Variants in ZNF385D observed in about 807,000 individuals in gnomAD.
ZNF385D encodes zinc finger protein 659.
A neutral mutation model predicts 35.8 loss-of-function variants in ZNF385D; 15 were observed. That is an observed-to-expected ratio of 0.42 (90% CI 0.28 to 0.64). The LOEUF (loss-of-function observed/expected upper bound fraction) is 0.64, where lower values mean the gene tolerates loss of function less well. Among genes scored for constraint, ZNF385D ranks in the 30% least tolerant of loss-of-function variants. ZNF385D has a pLI of 0.23. For missense variants in ZNF385D, 474 were observed against 494.6 expected (o/e 0.96, Z 0.39); for synonymous variants, 212 against 186.8 (o/e 1.13, Z -1.10).
At chr3:22,189,462 T>A (rs1038339875) in intron 2 of ZNF385D, among the ~76,000 whole-genome samples, 1 of 152,138 alleles carries the variant, frequency 6.6e-6, no homozygotes, top group Non-Finnish European at 1.5e-5. Flanking sequence ...CACAGACTTA[T>A]GACAATTCAT....
At chr3:22,137,212 A>T (rs1441000008) in intron 3 of ZNF385D, among the ~76,000 whole-genome samples, 1 of 152,190 alleles carries the variant, frequency 6.6e-6, no homozygotes, top group East Asian at 1.9e-4. Flanking sequence ...CCAGGACCAG[A>T]CGGATTCACA....
At chr3:22,212,777 C>T (rs574598235) in intron 2 of ZNF385D, among the ~76,000 whole-genome samples, 5 of 151,872 alleles carry the variant, frequency 3.3e-5, no homozygotes, top group Admixed American at 6.6e-5. Context: ...AATAGTATAG[C>T]TATAGTTAGC....
chr3:21,531,450 C>T (rs1346405029), intron 3 of ZNF385D, among the ~76,000 whole-genome samples: 1 of 152,128 alleles, frequency 6.6e-6, no homozygotes, highest in Non-Finnish European at 1.5e-5. Context: ...AGTAAAAACC[C>T]TGCATATATA....
intron 2 of ZNF385D, among the ~76,000 whole-genome samples, chr3:22,329,072 G>A (rs965942156): frequency 2.4e-5 from 2 of 84,284 alleles, no homozygotes; most frequent in African/African-American, 4.5e-5. Flanking sequence ...GCGAGACTCC[G>A]TCTCAAAAAA....
At chr3:21,879,634 G>A (rs1410723237) in intron 3 of ZNF385D, among the ~76,000 whole-genome samples, 2 of 151,894 alleles carry the variant, frequency 1.3e-5, no homozygotes, top group African/African-American at 4.8e-5. Context: ...ATATGCCACA[G>A]CACTTCAATT....
rs1700549523 is a variant in ZNF385D, at chr3:21,415,415, T to A, written c.*5799A>T. The A allele has an allele frequency of 6.6e-6, 1 of 152,102 alleles. No homozygotes were observed. The highest frequency in any genetic ancestry group is 1.5e-5 in the Non-Finnish European group (1 of 68,004). The allele number at this position is 152,102 out of a possible 1,614,324, so 9.4% of individuals were successfully genotyped here. A position where few individuals can be genotyped will look rare whatever the true frequency, so the allele number is the denominator to read the frequency against. On this transcript the variant is annotated 3_prime_UTR_variant, in exon 8 of 8. Coordinates refer to ENST00000281523, the MANE Select transcript of ZNF385D (RefSeq NM_024697.3). Reference sequence around the variant, plus strand: ...CATAACATCTTAACATTATATCTACTTCCCAGCCCCTCCAATGCCCTAAAA... The same window carrying A: ...CATAACATCTTAACATTATATCTACATCCCAGCCCCTCCAATGCCCTAAAA...
At chr3:22,107,737 T>C (rs192203864) in intron 3 of ZNF385D, among the ~76,000 whole-genome samples, 16 of 152,246 alleles carry the variant, frequency 1.1e-4, no homozygotes, top group Non-Finnish European at 2.1e-4. Flanking sequence ...CTGTATGATG[T>C]CAACTGTATG....
At chr3:22,254,229 A>C (rs1365036328) in intron 2 of ZNF385D, among the ~76,000 whole-genome samples, 2 of 151,912 alleles carry the variant, frequency 1.3e-5, no homozygotes, top group Non-Finnish European at 2.9e-5. Flanking sequence ...AATGAGCAAT[A>C]AATATTTCAA....
At chr3:21,641,031 T>C (rs1379899800) in intron 2 of ZNF385D, among the ~76,000 whole-genome samples, 7 of 152,062 alleles carry the variant, frequency 4.6e-5, no homozygotes, top group Non-Finnish European at 1.5e-5. Flanking sequence ...TCAGAACACA[T>C]ATTCATAACC....
chr3:22,128,666 G>T (rs1016217917), intron 3 of ZNF385D, among the ~76,000 whole-genome samples: 1 of 152,040 alleles, frequency 6.6e-6, no homozygotes, highest in African/African-American at 2.4e-5. Flanking sequence ...AGACTCTGTT[G>T]CATTCTTCAA....
chr3:22,028,167 A>G (rs1185674472), intron 3 of ZNF385D, among the ~76,000 whole-genome samples: 4 of 152,206 alleles, frequency 2.6e-5, no homozygotes. Flanking sequence ...AGGTATGTGG[A>G]TGGTCACCTC....
chr3:21,728,527 C>T (rs146661212), intron 1 of ZNF385D, among the ~76,000 whole-genome samples: 3 of 152,284 alleles, frequency 2.0e-5, no homozygotes, highest in African/African-American at 4.8e-5. Context: ...ATTGAGAACA[C>T]CTGAATTTGT....
chr3:21,837,687 C>G (rs569083576), intron 3 of ZNF385D, among the ~76,000 whole-genome samples: 1 of 152,098 alleles, frequency 6.6e-6, no homozygotes, highest in African/African-American at 2.4e-5. Flanking sequence ...TCCTGGCCAA[C>G]ATGGTGAAAC....
chr3:21,717,241 G>A (rs1333342395), intron 1 of ZNF385D, among the ~76,000 whole-genome samples: 1 of 152,158 alleles, frequency 6.6e-6, no homozygotes, highest in Non-Finnish European at 1.5e-5. Flanking sequence ...AAGTTTTTGT[G>A]AATACAGTTA....
intron 3 of ZNF385D, among the ~76,000 whole-genome samples, chr3:22,099,068 C>G (rs1284993284): frequency 6.6e-6 from 1 of 152,048 alleles, no homozygotes; most frequent in Non-Finnish European, 1.5e-5. Flanking sequence ...ATCCAATCTA[C>G]TTGTTCAAAG....
intron 2 of ZNF385D, among the ~76,000 whole-genome samples, chr3:22,247,308 C>G (rs1699837081): frequency 6.6e-6 from 1 of 151,656 alleles, no homozygotes; most frequent in Admixed American, 6.6e-5. Flanking sequence ...AATAAAAAAA[C>G]TAAAGTAAAA....
chr3:21,717,775 C>T (rs181191432), intron 1 of ZNF385D, among the ~76,000 whole-genome samples: 1 of 152,266 alleles, frequency 6.6e-6, no homozygotes, highest in East Asian at 1.9e-4. Context: ...GTAAAACGTG[C>T]CTTTCACCTT....
At chr3:22,191,698 A>C (rs1484111100) in intron 2 of ZNF385D, among the ~76,000 whole-genome samples, 2 of 149,292 alleles carry the variant, frequency 1.3e-5, no homozygotes, top group Non-Finnish European at 3.0e-5. Context: ...AATGTGTAGT[A>C]CTTGTACTTG....
intron 3 of ZNF385D, among the ~76,000 whole-genome samples, chr3:21,975,885 A>G (rs981042177): frequency 2.0e-5 from 3 of 152,042 alleles, no homozygotes; most frequent in African/African-American, 7.2e-5. Flanking sequence ...GATTAACTAC[A>G]CAGGACAAGA....
Sources: gnomAD v4.1 joint callset for allele counts (sites outside exome capture counted in the v4.1 genomes callset) on GRCh38, gnomAD v4.1.1 for gene constraint, MANE v1.5 for transcripts, NCBI Gene and HGNC (gene_info 2026-07-23, HGNC 2026-07-21) for gene names.